NKAIN2: variants seen among roughly 807,000 people sequenced by gnomAD.
NKAIN2 encodes the protein sodium/potassium transporting ATPase interacting 2.
In NKAIN2, 14 loss-of-function variants were observed where a neutral mutation model predicts 32.6. The observed-to-expected ratio is 0.43, with a 90% CI of 0.28 to 0.67. The LOEUF (loss-of-function observed/expected upper bound fraction) is 0.67. Ranked by LOEUF, NKAIN2 falls within the 30% of genes least tolerant of loss-of-function variation. The pLI, the probability that NKAIN2 is intolerant of heterozygous loss-of-function variation, is 0.17. For missense variants in NKAIN2, 198 were observed against 258.3 expected (o/e 0.77, Z 1.60); for synonymous variants, 80 against 87.2 (o/e 0.92, Z 0.46).
At chr6:124,608,326 G>T (rs543780481) in intron 3 of NKAIN2, among the ~76,000 whole-genome samples, 3 of 152,094 alleles carry the variant, frequency 2.0e-5, no homozygotes, top group African/African-American at 4.8e-5. Flanking sequence ...AATGCAGACC[G>T]GGCACTCCAT....
chr6:124,285,350 C>G (rs1010236716), intron 2 of NKAIN2, among the ~76,000 whole-genome samples: 13 of 152,070 alleles, frequency 8.5e-5, no homozygotes, highest in Non-Finnish European at 8.8e-5. Context: ...TAAAAGATAA[C>G]AAATAGCACT....
At chr6:124,530,629 G>T (rs986795184) in intron 3 of NKAIN2, among the ~76,000 whole-genome samples, 1 of 152,144 alleles carries the variant, frequency 6.6e-6, no homozygotes. Context: ...TGGTTATGAA[G>T]GTCAAGTCCC....
intron 1 of NKAIN2, among the ~76,000 whole-genome samples, chr6:124,031,359 G>C (rs1781395689): frequency 6.6e-6 from 1 of 152,014 alleles, no homozygotes; most frequent in African/African-American, 2.4e-5. Context: ...CAAAAAACCA[G>C]CTCCAGGATT....
At chr6:124,434,166 G>A (rs1775339982) in intron 3 of NKAIN2, among the ~76,000 whole-genome samples, 1 of 152,128 alleles carries the variant, frequency 6.6e-6, no homozygotes, top group African/African-American at 2.4e-5. Flanking sequence ...ACTCAGCATA[G>A]GCCTAGCAAT....
At chr6:124,648,946 A>C (rs897207328) in intron 3 of NKAIN2, among the ~76,000 whole-genome samples, 3 of 152,188 alleles carry the variant, frequency 2.0e-5, no homozygotes, top group East Asian at 1.9e-4. Flanking sequence ...ACTAAATGGA[A>C]ATTAAAATAT....
chr6:124,378,978 G>T (rs1035183745), intron 3 of NKAIN2, among the ~76,000 whole-genome samples: 7 of 149,170 alleles, frequency 4.7e-5, no homozygotes, highest in African/African-American at 1.7e-4. Context: ...TCTGGTACCA[G>T]CTACTTATGA....
intron 1 of NKAIN2, among the ~76,000 whole-genome samples, chr6:123,900,126 C>T (rs929308116): frequency 2.0e-4 from 31 of 152,114 alleles, no homozygotes; most frequent in African/African-American, 7.2e-4. Flanking sequence ...AATTAGAAAT[C>T]GGAACATATG....
intron 1 of NKAIN2, among the ~76,000 whole-genome samples, chr6:124,269,667 C>T (rs969528793): frequency 1.3e-5 from 2 of 151,736 alleles, no homozygotes; most frequent in Admixed American, 1.3e-4. Context: ...AGGGTTTCAC[C>T]ATGTTGGCCA....
chr6:123,943,999 T>G (rs1052791270), intron 1 of NKAIN2, among the ~76,000 whole-genome samples: 3 of 152,084 alleles, frequency 2.0e-5, no homozygotes, highest in African/African-American at 7.2e-5. Flanking sequence ...TAAATATTAT[T>G]TGCAGGCATT....
intron 4 of NKAIN2, among the ~76,000 whole-genome samples, chr6:124,743,551 A>G (rs1228314200): frequency 6.6e-6 from 1 of 151,842 alleles, no homozygotes; most frequent in Non-Finnish European, 1.5e-5. Flanking sequence ...GGCAAACTTG[A>G]ATATCTGGAA....
intron 2 of NKAIN2, among the ~76,000 whole-genome samples, chr6:124,311,574 C>T (rs1217594257): frequency 3.3e-5 from 5 of 152,220 alleles, no homozygotes; most frequent in South Asian, 4.1e-4. Context: ...ACATCTACTA[C>T]GTTTACTTAT....
At chr6:124,498,554 C>T (rs1174897148) in intron 3 of NKAIN2, among the ~76,000 whole-genome samples, 1 of 152,086 alleles carries the variant, frequency 6.6e-6, no homozygotes, top group Admixed American at 6.6e-5. Context: ...ATTATATCAG[C>T]TAGATTATGA....
chr6:124,774,433 G>T (rs924642032), intron 4 of NKAIN2, among the ~76,000 whole-genome samples: 2 of 152,156 alleles, frequency 1.3e-5, no homozygotes, highest in African/African-American at 4.8e-5. Flanking sequence ...GATACAGTTA[G>T]GTGTAGTCAG....
At chr6:124,677,521 A>G (rs1421596746) in intron 4 of NKAIN2, among the ~76,000 whole-genome samples, 1 of 152,110 alleles carries the variant, frequency 6.6e-6, no homozygotes, top group Non-Finnish European at 1.5e-5. Flanking sequence ...CTTTATGGTT[A>G]CTATGAGATT....
rs950571401 is a variant in NKAIN2 at position 124,696,087 on chromosome 6, G to A, written c.474+37701G>A. Among the ~76,000 whole-genome samples the A allele has an allele frequency of 5.9e-5, 9 of 152,252 alleles. 3 individuals are homozygous for A. Among genetic ancestry groups the A allele is most frequent in the Admixed American group, 2.6e-4 (4 of 15,294 alleles). On this transcript the variant is annotated intron_variant, in intron 4 of 6. Coordinates refer to ENST00000368417, the MANE Select transcript of NKAIN2 (RefSeq NM_001040214.3). ...TTCAGATTCTTCTTGGTCTCTCTGT[G>A]TAGCATTTCATCCTCTCAGGTAGGA...
At chr6:124,678,286 C>A (rs1773456393) in intron 4 of NKAIN2, among the ~76,000 whole-genome samples, 1 of 152,078 alleles carries the variant, frequency 6.6e-6, no homozygotes, top group Non-Finnish European at 1.5e-5. Flanking sequence ...ACTATTTTTT[C>A]AAATAAGCTT....
intron 2 of NKAIN2, among the ~76,000 whole-genome samples, chr6:124,307,882 T>C (rs1796566591): frequency 6.6e-6 from 1 of 152,216 alleles, no homozygotes; most frequent in Non-Finnish European, 1.5e-5. Context: ...GAATTTATCA[T>C]TTCAATATAT....
chr6:124,499,244 T>C (rs1018476362), intron 3 of NKAIN2, among the ~76,000 whole-genome samples: 4 of 152,170 alleles, frequency 2.6e-5, no homozygotes, highest in Admixed American at 6.6e-5. Context: ...ATTTTATATG[T>C]TTACAGTTAG....
At chr6:124,142,014 T>C (rs1787167361) in intron 1 of NKAIN2, among the ~76,000 whole-genome samples, 1 of 152,180 alleles carries the variant, frequency 6.6e-6, no homozygotes, top group African/African-American at 2.4e-5. Flanking sequence ...ATAGATGCCA[T>C]GTTAGTTGCA....
Sources: allele counts gnomAD v4.1 joint callset (sites outside exome capture counted in the v4.1 genomes callset), GRCh38; gene constraint gnomAD v4.1.1; transcripts MANE v1.5; gene names NCBI Gene and HGNC (gene_info 2026-07-23, HGNC 2026-07-21).